Variants in CALM3 observed in about 807,000 individuals in gnomAD.
CALM3 encodes the protein calmodulin 3, also known as calmodulin-3.
CALM3 carries 5 observed loss-of-function variants against 20.1 expected under a neutral mutation model. The observed-to-expected ratio is 0.25, with a 90% CI of 0.13 to 0.52. The LOEUF (loss-of-function observed/expected upper bound fraction) is 0.52. CALM3 is among the 20% of genes least tolerant of loss of function. The pLI is 0.96. For synonymous variants in CALM3, 69 were observed against 68.1 expected, an observed-to-expected ratio of 1.01 and a Z score of -0.06; for missense variants, 57 against 192.8, an observed-to-expected ratio of 0.30 and a Z score of 4.17.
Position 46,608,943 on chromosome 19 carries a change from A to G in CALM3, c.383A>G (p.Glu128Gly). The G allele has an allele frequency of 6.2e-7, 1 of 1,609,210 alleles. No homozygotes were observed. The highest frequency in any genetic ancestry group is 8.5e-7 in the Non-Finnish European group (1 of 1,177,562). Residue 128 changes from glutamate (E) to glycine (G), a missense_variant, in exon 5 of 6, where the codon GAG (glutamate) becomes GGG (glycine). Coordinates refer to ENST00000291295, the MANE Select transcript of CALM3 (RefSeq NM_005184.4). The surrounding 1 kb of genome is among the most constrained non-coding windows in gnomAD (Gnocchi z 5.5). ...TDEEVDEMIR[E>G]ADIDGDGQVN... The stretch of plus-strand genomic sequence containing the variant: ...GAGGAGGTGGATGAGATGATCAGGG[A>G]GGCTGACATCGATGGAGATGGCCAG...
rs568842933 is a variant in CALM3, at chr19:46,603,946, C to G, written c.4-1881C>G. Reference sequence around the variant, plus strand: ...GGGGCAGTCTGCAGCCTGTCACAGCCTCCTCGCCCCCACCCCCAGCCCCTT... The same window carrying G: ...GGGGCAGTCTGCAGCCTGTCACAGCGTCCTCGCCCCCACCCCCAGCCCCTT... On this transcript the variant is annotated intron_variant, in intron 1 of 5. Coordinates refer to ENST00000291295, the MANE Select transcript of CALM3 (RefSeq NM_005184.4). 9.8e-5 allele frequency among the ~76,000 whole-genome samples: 15 copies of G among 152,334 alleles called. 1 individual carries two copies. Among genetic ancestry groups the G allele is most frequent in the Admixed American group, 1.3e-4 (2 of 15,302 alleles).
At chr19:46,602,077 A>G (rs1324397761) in intron 1 of CALM3, 6 of 1,299,760 alleles carry the variant, frequency 4.6e-6, no homozygotes, top group African/African-American at 4.6e-5. Context: ...CCAGCACTGC[A>G]GAGGAGGAGG....
intron 1 of CALM3, among the ~76,000 whole-genome samples, chr19:46,604,272 TGGG>T (rs1469923153): frequency 6.6e-6 from 1 of 151,654 alleles, no homozygotes; most frequent in Non-Finnish European, 1.5e-5. Context: ...TGGTGGGAGG[TGGG>T]GGGCAGGTGG....
chr19:46,606,055 T>C (rs997282949), intron 2 of CALM3, 198 bp downstream of exon 2: 8 of 564,806 alleles, frequency 1.4e-5, no homozygotes, highest in East Asian at 1.3e-4. Context: ...CCCATGGCCC[T>C]GAGACAGGCC....
Position 46,608,670 on chromosome 19 carries a change from C to G in CALM3, c.285+82C>G. Reference sequence around the variant, plus strand: ...GGCGGAACTGGAGCCACGGAGCTACCACTTCCAGGAGGTCCGGGTCCCGGT... The same window carrying G: ...GGCGGAACTGGAGCCACGGAGCTACGACTTCCAGGAGGTCCGGGTCCCGGT... On this transcript the variant is annotated intron_variant, in intron 4 of 5. Coordinates refer to ENST00000291295, the MANE Select transcript of CALM3 (RefSeq NM_005184.4). This position sits in a 1 kb window ranked among gnomAD's most constrained non-coding sequence, Gnocchi z 5.5. The G allele has an allele frequency of 7.5e-7, 1 of 1,338,836 alleles. No individual in the cohort carries two copies. Among genetic ancestry groups the G allele is most frequent in the Non-Finnish European group, 1.1e-6 (1 of 946,578 alleles). 82.9% of individuals were successfully genotyped at this position (1,338,836 alleles called of 1,614,324 possible).
chr19:46,606,051 G>C lies in CALM3; in HGVS notation c.34+194G>C, dbSNP rs893201674. On this transcript the variant is annotated intron_variant, in intron 2 of 5. Transcript: ENST00000291295. ...TGCCCCAATGACACGAAGCCCCATG[G>C]CCCTGAGACAGGCCTTTACCAGACA... The C allele has an allele frequency of 1.3e-4, 77 of 571,852 alleles. 1 individual carries two copies. In the East Asian group the frequency reaches 2.4e-3, roughly 18 times the overall value. 35.4% of individuals were successfully genotyped at this position (571,852 alleles called of 1,614,324 possible). A position where few individuals can be genotyped will look rare whatever the true frequency, so the allele number is the denominator to read the frequency against.
intron 1 of CALM3, among the ~76,000 whole-genome samples, chr19:46,602,978 C>G (rs1488603183): frequency 6.6e-6 from 1 of 152,224 alleles, no homozygotes; most frequent in Non-Finnish European, 1.5e-5. Flanking sequence ...ACCCCTTGAT[C>G]GGCCTGAGGG....
upstream of CALM3, chr19:46,601,286 C>A (rs541412527): frequency 7.0e-5 from 44 of 626,894 alleles, no homozygotes; most frequent in Middle Eastern, 1.8e-3. This position sits in a 1 kb window ranked among gnomAD's most constrained non-coding sequence, Gnocchi z 4.2. Context: ...GTTGAGGGAC[C>A]GTTGGGGCGG....
At chr19:46,604,985 C>T (rs1254657101) in intron 1 of CALM3, among the ~76,000 whole-genome samples, 1 of 152,128 alleles carries the variant, frequency 6.6e-6, no homozygotes, top group East Asian at 1.9e-4. Flanking sequence ...CTCCCCACCC[C>T]CAAACCCCGC....
intron 1 of CALM3, chr19:46,602,020 G>C: frequency 9.8e-7 from 1 of 1,020,524 alleles, no homozygotes; most frequent in African/African-American, 1.7e-5. Context: ...TTCTACAGAT[G>C]AGACTCCCGA....
Position 46,609,331 on chromosome 19 carries a change from T to A in CALM3, c.*178T>A. ...GCTGCATGATTGCTCTTTCTCCTTC[T>A]TCCCTGAGTCTCTCTCCATGCCCCT... On this transcript the variant is annotated 3_prime_UTR_variant, in exon 6 of 6. Coordinates refer to ENST00000291295, the MANE Select transcript of CALM3 (RefSeq NM_005184.4). The A allele has an allele frequency of 1.5e-6, 1 of 662,608 alleles. No homozygotes were observed. Among genetic ancestry groups the A allele is most frequent in the South Asian group, 1.8e-5 (1 of 55,794 alleles). The allele number at this position is 662,608 out of a possible 1,614,324, so 41.0% of individuals were successfully genotyped here. A position where few individuals can be genotyped will look rare whatever the true frequency, so the allele number is the denominator to read the frequency against.
chr19:46,608,140 G>A lies in CALM3; in HGVS notation c.35-57G>A. On this transcript the variant is annotated intron_variant, in intron 2 of 5. Transcript: ENST00000291295. This position sits in a 1 kb window ranked among gnomAD's most constrained non-coding sequence, Gnocchi z 5.5. Reference sequence around the variant, plus strand: ...CCAGGGAAGGCATCCAGCATCCAGAGGTAAGGATTCTCCTGTGGACCTTGT... The same window carrying A: ...CCAGGGAAGGCATCCAGCATCCAGAAGTAAGGATTCTCCTGTGGACCTTGT... The A allele has an allele frequency of 6.4e-7, 1 of 1,564,506 alleles. No individual in the cohort carries two copies. The highest frequency in any genetic ancestry group is 8.7e-7 in the Non-Finnish European group (1 of 1,149,576).
intron 2 of CALM3, among the ~76,000 whole-genome samples, chr19:46,607,644 G>A (rs935538591): frequency 6.6e-6 from 1 of 152,110 alleles, no homozygotes; most frequent in Non-Finnish European, 1.5e-5. Context: ...CTCACCACAC[G>A]CAGTGGCTCA....
intron 1 of CALM3, among the ~76,000 whole-genome samples, chr19:46,604,132 G>T (rs1000300672): frequency 2.9e-4 from 44 of 152,184 alleles, no homozygotes; most frequent in Middle Eastern, 3.4e-3. Context: ...CCTCCTCTCT[G>T]TTCTTTCCCT....
intron 2 of CALM3, among the ~76,000 whole-genome samples, chr19:46,607,208 A>G (rs1971760252): frequency 1.3e-5 from 2 of 151,964 alleles, no homozygotes; most frequent in Admixed American, 1.3e-4. Flanking sequence ...GACTCTTGCC[A>G]TGTCCCCAGG....
At chr19:46,601,075 C>A, upstream of CALM3, 1 of 1,232,210 alleles carries the variant, frequency 8.1e-7, no homozygotes. This position sits in a 1 kb window ranked among gnomAD's most constrained non-coding sequence, Gnocchi z 4.2. Flanking sequence ...GCGGGGCGCG[C>A]GGCGAGGGAA....
chr19:46,604,267 G>A (rs1245669869), intron 1 of CALM3, among the ~76,000 whole-genome samples: 3 of 152,098 alleles, frequency 2.0e-5, no homozygotes, highest in Non-Finnish European at 4.4e-5. Context: ...GTCCATGGTG[G>A]GAGGTGGGGG....
chr19:46,606,553 A>C, intron 2 of CALM3, among the ~76,000 whole-genome samples: 1 of 152,040 alleles, frequency 6.6e-6, no homozygotes, highest in East Asian at 1.9e-4. Flanking sequence ...AGTTCCATTG[A>C]GTTTGGGACT....
chr19:46,608,428 G>C lies in CALM3; in HGVS notation c.179-54G>C. Reference sequence around the variant, plus strand: ...CTCTCTCAGGGTGATGGATGAGCCCGTGTCTCTCAGGGCCCAGGCCAAGAG... The same window carrying C: ...CTCTCTCAGGGTGATGGATGAGCCCCTGTCTCTCAGGGCCCAGGCCAAGAG... On this transcript the variant is annotated intron_variant, in intron 3 of 5. Transcript: ENST00000291295. This position sits in a 1 kb window ranked among gnomAD's most constrained non-coding sequence, Gnocchi z 5.5. 6.2e-7 allele frequency: 1 copy of C among 1,607,582 alleles called. No homozygotes were observed. Among genetic ancestry groups the C allele is most frequent in the Non-Finnish European group, 8.5e-7 (1 of 1,174,114 alleles).
Sources: allele counts gnomAD v4.1 joint callset (sites outside exome capture counted in the v4.1 genomes callset), GRCh38; gene constraint gnomAD v4.1.1; non-coding constraint Gnocchi (gnomAD v3.1); transcripts MANE v1.5; gene names NCBI Gene and HGNC (gene_info 2026-07-23, HGNC 2026-07-21).